The following SSBP3 variants were observed in gnomAD, a reference collection of about 807,000 sequenced individuals.
SSBP3 encodes the protein single-stranded DNA-binding protein 3.
In SSBP3, 5 loss-of-function variants were observed where a neutral mutation model predicts 69.6. The observed-to-expected ratio is 0.07, with a 90% confidence interval of 0.04 to 0.15. SSBP3 has a LOEUF of 0.15. Among genes scored for constraint, SSBP3 ranks in the 10% least tolerant of loss-of-function variants. The pLI, the probability that SSBP3 is intolerant of heterozygous loss-of-function variation, is 1.00. For missense variants in SSBP3, 312 were observed against 534.0 expected, an observed-to-expected ratio of 0.58 and a Z score of 4.10; for synonymous variants, 196 against 193.4, an observed-to-expected ratio of 1.01 and a Z score of -0.11.
At chr1:54,372,547 T>C (rs895380423) in intron 4 of SSBP3, among the ~76,000 whole-genome samples, 4 of 152,188 alleles carry the variant, frequency 2.6e-5, no homozygotes, top group Non-Finnish European at 5.9e-5. Context: ...AATTAGTCTG[T>C]CTGCCGTTCC....
chr1:54,342,567 C>G (rs1399678930), intron 4 of SSBP3, among the ~76,000 whole-genome samples: 1 of 152,118 alleles, frequency 6.6e-6, no homozygotes, highest in Non-Finnish European at 1.5e-5. Context: ...CTGTCCTTCA[C>G]CACCTACCGT....
At chr1:54,355,665 G>A (rs989311174) in intron 4 of SSBP3, among the ~76,000 whole-genome samples, 2 of 152,172 alleles carry the variant, frequency 1.3e-5, no homozygotes, top group Non-Finnish European at 2.9e-5. Context: ...CCCAAATTCA[G>A]AGAGCTCCCC....
intron 4 of SSBP3, among the ~76,000 whole-genome samples, chr1:54,386,159 C>G (rs142131236): frequency 1.4e-4 from 22 of 152,306 alleles, no homozygotes; most frequent in African/African-American, 5.3e-4. Flanking sequence ...TAGGGTGGCT[C>G]TCCCTCAAGA....
chr1:54,321,874 A>G (rs1024481855), intron 4 of SSBP3, among the ~76,000 whole-genome samples: 5 of 152,222 alleles, frequency 3.3e-5, no homozygotes, highest in Non-Finnish European at 5.9e-5. Flanking sequence ...CCTACAAAGT[A>G]AGGAGGTTCA....
intron 5 of SSBP3, among the ~76,000 whole-genome samples, chr1:54,272,703 CG>C (rs1645216921): frequency 6.6e-6 from 1 of 152,178 alleles, no homozygotes; most frequent in Non-Finnish European, 1.5e-5. Flanking sequence ...GGAGAACTGC[CG>C]ACCTGCGGCA....
chr1:54,278,004 C>T (rs1645321849), intron 5 of SSBP3, among the ~76,000 whole-genome samples: 1 of 152,168 alleles, frequency 6.6e-6, no homozygotes, highest in African/African-American at 2.4e-5. Flanking sequence ...GTTGGAAGGG[C>T]CCTCAGAGAC....
chr1:54,273,299 G>C (rs978413613), intron 5 of SSBP3, among the ~76,000 whole-genome samples: 1 of 152,226 alleles, frequency 6.6e-6, no homozygotes, highest in Non-Finnish European at 1.5e-5. Flanking sequence ...CAAGTGTGCA[G>C]ACACAAACAT....
At chr1:54,301,773 T>TA (rs1645806781) in intron 4 of SSBP3, among the ~76,000 whole-genome samples, 1 of 150,196 alleles carries the variant, frequency 6.7e-6, no homozygotes, top group African/African-American at 2.4e-5. Context: ...ACCACCACCC[T>TA]AGGTTCCGGG....
chr1:54,328,064 AGGGAGT>A (rs1447063334), intron 4 of SSBP3, among the ~76,000 whole-genome samples: 1 of 152,174 alleles, frequency 6.6e-6, no homozygotes, highest in Non-Finnish European at 1.5e-5. Flanking sequence ...GGGCGACTCT[AGGGAGT>A]GGGAGGGAGA....
Position 54,381,406 on chromosome 1 carries a change from A to AAG in SSBP3, c.276+20453_276+20454dup, listed in dbSNP as rs1462065677. On this transcript the variant is annotated intron_variant, in intron 4 of 17. Coordinates refer to ENST00000610401, the Ensembl canonical transcript of SSBP3. Reference sequence around the variant, plus strand: ...TCAAAAAAAAAAAAAAAAAAAAAAAAAGAGAGAGAGAGCATGTCAGTAGAG... The same window carrying AAG: ...TCAAAAAAAAAAAAAAAAAAAAAAAAAGAGAGAGAGAGAGCATGTCAGTAGAG... Among the ~76,000 whole-genome samples, 47 of 146,498 alleles carry AAG rather than the reference A, an allele frequency of 3.2e-4. 1 individual carries two copies. The highest frequency in any genetic ancestry group is 1.3e-3 in the South Asian group (6 of 4,518).
At chr1:54,284,209 C>A (rs1645446877) in intron 4 of SSBP3, among the ~76,000 whole-genome samples, 1 of 144,074 alleles carries the variant, frequency 6.9e-6, no homozygotes, top group Non-Finnish European at 1.5e-5. Flanking sequence ...GCTGGAATTA[C>A]AGGCATGAGC....
chr1:54,252,656 C>T (rs1644850489), intron 7 of SSBP3, among the ~76,000 whole-genome samples: 1 of 152,194 alleles, frequency 6.6e-6, no homozygotes, highest in Non-Finnish European at 1.5e-5. Flanking sequence ...ACGGGGGCCA[C>T]GGGTTTCCTG....
chr1:54,284,396 T>C (rs1235847026), intron 4 of SSBP3, among the ~76,000 whole-genome samples: 1 of 152,006 alleles, frequency 6.6e-6, no homozygotes, highest in African/African-American at 2.4e-5. Flanking sequence ...ATCATTCATG[T>C]CCTTTGCTAT....
chr1:54,327,547 T>C (rs148352291), intron 4 of SSBP3, among the ~76,000 whole-genome samples: 19 of 152,266 alleles, frequency 1.2e-4, no homozygotes, highest in Non-Finnish European at 2.6e-4. Flanking sequence ...AAATAAAGCA[T>C]CGCCCTGGAT....
intron 4 of SSBP3, among the ~76,000 whole-genome samples, chr1:54,383,415 G>T (rs570503661): frequency 6.6e-6 from 1 of 151,750 alleles, no homozygotes; most frequent in Non-Finnish European, 1.5e-5. Context: ...AAGAAATAAA[G>T]AAGTCCCTGT....
chr1:54,321,756 TG>T (rs1363942665), intron 4 of SSBP3, among the ~76,000 whole-genome samples: 1 of 152,210 alleles, frequency 6.6e-6, no homozygotes, highest in Non-Finnish European at 1.5e-5. Context: ...GTGTCTTCCA[TG>T]TGCTATTCTG....
chr1:54,267,995 CG>C (rs1645130469), intron 5 of SSBP3, among the ~76,000 whole-genome samples: 1 of 152,212 alleles, frequency 6.6e-6, no homozygotes, highest in Non-Finnish European at 1.5e-5. Context: ...GCCTCCCAAG[CG>C]GGTGGGACTA....
chr1:54,360,159 C>T (rs1345363541), intron 4 of SSBP3, among the ~76,000 whole-genome samples: 2 of 152,186 alleles, frequency 1.3e-5, no homozygotes, highest in African/African-American at 2.4e-5. Context: ...TGCTGATTCA[C>T]CTATCTCCTT....
chr1:54,403,622 T>C (rs1424552478), intron 3 of SSBP3, among the ~76,000 whole-genome samples: 4 of 152,306 alleles, frequency 2.6e-5, no homozygotes, highest in Admixed American at 1.3e-4. Flanking sequence ...CTCCTGCTGT[T>C]CTAAGAGACT....
Sources: gnomAD v4.1 joint callset for allele counts (sites outside exome capture counted in the v4.1 genomes callset) on GRCh38, gnomAD v4.1.1 for gene constraint, MANE v1.5 for transcripts, NCBI Gene and HGNC (gene_info 2026-07-23, HGNC 2026-07-21) for gene names.